The following MYH14 variants were observed in gnomAD, a reference collection of about 807,000 sequenced individuals.
MYH14 encodes the protein myosin-14.
Under a neutral mutation model 255.5 loss-of-function variants are expected in MYH14, and 123 were observed. The observed-to-expected ratio is 0.48, with a 90% CI of 0.42 to 0.56. MYH14 has a LOEUF of 0.56. Among genes scored for constraint, MYH14 ranks in the 20% least tolerant of loss-of-function variants. The probability of loss-of-function intolerance (pLI) is 0.00; values close to 1 mark genes in which losing one functional copy is unlikely to be tolerated. For missense variants in MYH14, 2,423 were observed against 2,802.3 expected, an observed-to-expected ratio of 0.86 and a Z score of 3.06; for synonymous variants, 1,095 against 1,161.2, an observed-to-expected ratio of 0.94 and a Z score of 1.16.
chr19:50,279,979 T>C lies in MYH14; in HGVS notation c.4033-58T>C. Reference sequence around the variant, plus strand: ...CAGTGTGGTAGAGAGTTGAGGCAGATGGGGTCACTGGGTGGAAGCCACGAT... The same window carrying C: ...CAGTGTGGTAGAGAGTTGAGGCAGACGGGGTCACTGGGTGGAAGCCACGAT... On this transcript the variant is annotated intron_variant, in intron 30 of 42. Transcript: ENST00000642316. The C allele has an allele frequency of 2.4e-6, 3 of 1,240,174 alleles. No individual in the cohort carries two copies. The South Asian group carries it at 3.8e-5, about 16-fold the overall frequency. The allele number at this position is 1,240,174 out of a possible 1,614,324, so 76.8% of individuals were successfully genotyped here. A position where few individuals can be genotyped will look rare whatever the true frequency, so the allele number is the denominator to read the frequency against.
rs984956751 is a variant in MYH14 at position 50,293,472 on chromosome 19, G to T, written c.5346-92G>T. 1.9e-6 allele frequency: 3 copies of T among 1,565,374 alleles called. No individual in the cohort carries two copies. Among genetic ancestry groups the T allele is most frequent in the East Asian group, 4.7e-5 (2 of 42,750 alleles). ...CTGGGGTGTGAGGCTGGGGAGATGC[G>T]TGGGGCTAACCACAGGGTCCTGTAG... On this transcript the variant is annotated intron_variant, in intron 38 of 42. Coordinates refer to ENST00000642316, the MANE Select transcript of MYH14 (RefSeq NM_001145809.2). The surrounding 1 kb of genome is among the most constrained non-coding windows in gnomAD (Gnocchi z 4.1).
intron 21 of MYH14, among the ~76,000 whole-genome samples, chr19:50,262,581 T>G (rs2034924466): frequency 6.8e-6 from 1 of 147,926 alleles, no homozygotes; most frequent in Non-Finnish European, 1.5e-5. Flanking sequence ...CAGGAAAGGA[T>G]GGCCCAAACA....
chr19:50,267,450 A>C (rs1417540460), intron 23 of MYH14, among the ~76,000 whole-genome samples: 1 of 152,034 alleles, frequency 6.6e-6, no homozygotes, highest in Non-Finnish European at 1.5e-5. Context: ...TCAGGAGTTC[A>C]AGACCACTCT....
chr19:50,255,637 C>T (rs2034566295), intron 17 of MYH14, among the ~76,000 whole-genome samples: 1 of 152,134 alleles, frequency 6.6e-6, no homozygotes, highest in Admixed American at 6.6e-5. Context: ...AATGAGGAAA[C>T]TAAAGCACAG....
chr19:50,302,057 C>G (rs911719714), intron 40 of MYH14, among the ~76,000 whole-genome samples, 188 bp downstream of exon 40: 7 of 149,054 alleles, frequency 4.7e-5, no homozygotes, highest in African/African-American at 1.7e-4. Flanking sequence ...GCGGGAGGAT[C>G]CCTTGAGGCC....
At chr19:50,303,258 T>C (rs1378222123) in intron 40 of MYH14, among the ~76,000 whole-genome samples, 1 of 152,192 alleles carries the variant, frequency 6.6e-6, no homozygotes, top group African/African-American at 2.4e-5. Flanking sequence ...TTTTCTTTTT[T>C]CTTTTCAAGA....
intron 2 of MYH14, among the ~76,000 whole-genome samples, chr19:50,214,546 A>C (rs892573931): frequency 5.3e-5 from 8 of 152,098 alleles, no homozygotes; most frequent in Admixed American, 3.3e-4. Context: ...GTGATTTCAC[A>C]CTCAGAACAC....
intron 10 of MYH14, among the ~76,000 whole-genome samples, chr19:50,240,162 G>A (rs982732325): frequency 3.9e-5 from 6 of 152,212 alleles, no homozygotes; most frequent in African/African-American, 1.4e-4. Flanking sequence ...TGTCCAGTGA[G>A]GGAAGGGGGC....
Position 50,276,285 on chromosome 19 carries a change from A to G in MYH14, c.3680+82A>G, listed in dbSNP as rs1790570236. 4.6e-6 allele frequency: 5 copies of G among 1,087,378 alleles called. No homozygotes were observed. The South Asian group carries it at 6.6e-5, about 14-fold the overall frequency. 67.4% of individuals were successfully genotyped at this position (1,087,378 alleles called of 1,614,324 possible). A position where few individuals can be genotyped will look rare whatever the true frequency, so the allele number is the denominator to read the frequency against. Reference sequence around the variant, plus strand: ...GGACTTAGGTACAAAGTCTCTGTCTATACAGAGGCTTACTTATTGTACAGT... The same window carrying G: ...GGACTTAGGTACAAAGTCTCTGTCTGTACAGAGGCTTACTTATTGTACAGT... On this transcript the variant is annotated intron_variant, in intron 28 of 42. Transcript: ENST00000642316. This position sits in a 1 kb window ranked among gnomAD's most constrained non-coding sequence, Gnocchi z 4.3.
intron 10 of MYH14, among the ~76,000 whole-genome samples, chr19:50,235,503 T>C (rs2033621004): frequency 6.6e-6 from 1 of 151,378 alleles, no homozygotes; most frequent in Non-Finnish European, 1.5e-5. Flanking sequence ...AATACTCAGC[T>C]TGTCATTGGC....
At position 50,280,849 on chromosome 19, in the gene MYH14, G is replaced by A. The variant is rs1568534633; in HGVS notation, c.4290+466G>A. 6.6e-6 allele frequency among the ~76,000 whole-genome samples: 1 copy of A among 152,130 alleles called. No homozygotes were observed. The highest frequency in any genetic ancestry group is 1.5e-5 in the Non-Finnish European group (1 of 68,024). On this transcript the variant is annotated intron_variant, in intron 32 of 42. Coordinates refer to ENST00000642316, the MANE Select transcript of MYH14 (RefSeq NM_001145809.2). The surrounding 1 kb of genome is among the most constrained non-coding windows in gnomAD (Gnocchi z 4.8). ...TCTGGTCCTTCCTCTGCCTTTAGCT[G>A]TATTCATCTCTATCTCTACTTTCCT...
chr19:50,307,093 G>A lies in MYH14; in HGVS notation c.5723G>A (p.Arg1908Gln), dbSNP rs542294850. 1.7e-5 allele frequency: 27 copies of A among 1,551,012 alleles called. No individual in the cohort carries two copies. Among genetic ancestry groups the A allele is most frequent in the Admixed American group, 1.2e-4 (6 of 51,002 alleles). Reference protein sequence around the residue: ...SGKLVRRAEKRLKEVVLQVEE... With the variant: ...SGKLVRRAEKQLKEVVLQVEE... ...AAGCTGGTGCGCAGAGCTGAGAAGC[G>A]GCTTAAAGAGGTGGTGCTCCAGGTG... Residue 1908 changes from arginine to glutamine, a missense_variant, in exon 41 of 43, where the codon CGG becomes CAG. Arg to Gln is a conservative substitution (Grantham distance 43). Transcript: ENST00000642316.
chr19:50,228,372 C>T (rs904671564), intron 8 of MYH14, among the ~76,000 whole-genome samples: 1 of 151,908 alleles, frequency 6.6e-6, no homozygotes, highest in African/African-American at 2.4e-5. Flanking sequence ...TAATCAATAA[C>T]ATTAACAACT....
chr19:50,243,628 A>G (rs2033979587), intron 10 of MYH14, among the ~76,000 whole-genome samples: 1 of 152,166 alleles, frequency 6.6e-6, no homozygotes, highest in Admixed American at 6.5e-5. Context: ...ACCCCATTCA[A>G]AATAATTTTT....
chr19:50,291,115 G>C, intron 36 of MYH14, 67 bp downstream of exon 36: 1 of 1,540,314 alleles, frequency 6.5e-7, no homozygotes, highest in Non-Finnish European at 8.9e-7. Context: ...CATCACTCCA[G>C]GGTCTAAGGC....
chr19:50,270,193 A>G lies in MYH14; in HGVS notation c.3034-1216A>G, dbSNP rs551278570. Among the ~76,000 whole-genome samples the G allele has an allele frequency of 2.6e-5, 4 of 152,294 alleles. No individual in the cohort carries two copies. The South Asian group carries it at 8.3e-4, about 32-fold the overall frequency. ...AGCTGTGATGGCACCACTGCACTCC[A>G]GCCTGGATGACAGAGTGAGACCTTT... On this transcript the variant is annotated intron_variant, in intron 24 of 42. Transcript: ENST00000642316.
Position 50,247,040 on chromosome 19 carries a change from T to C in MYH14, c.1247T>C (p.Val416Ala). The change falls in exon 12 of 43, where the codon GTG becomes GCG. Residue 416 changes from valine (V) to alanine (A), a missense_variant. By Grantham distance (64) the Val-to-Ala change is moderately conservative. Coordinates refer to ENST00000642316, the MANE Select transcript of MYH14 (RefSeq NM_001145809.2). ...CTCTGCCGCCTCTTGGGACTGGGGG[T>C]GACGGATTTCTCCCGAGCCTTGCTC... ...QKLCRLLGLG[V>A]TDFSRALLTP... 1 of 1,612,810 alleles carries C rather than the reference T, an allele frequency of 6.2e-7. No homozygotes were observed. Among genetic ancestry groups the C allele is most frequent in the Non-Finnish European group, 8.5e-7 (1 of 1,179,548 alleles).
At position 50,225,605 on chromosome 19, in the gene MYH14, G is replaced by A; in HGVS notation, c.738G>A (p.Leu246=). The change falls in exon 7 of 43, where the codon CTG becomes CTA. Residue 246 remains leucine (L), a synonymous_variant. Coordinates refer to ENST00000642316, the MANE Select transcript of MYH14 (RefSeq NM_001145809.2). ...TVSYGELERQ[L]LQANPILEAF... ...GGCAGGGTGAGCTGGAGCGGCAGCT[G>A]CTTCAGGCCAACCCCATCCTAGAGG... 6.2e-7 allele frequency: 1 copy of A among 1,613,210 alleles called. No individual in the cohort carries two copies. The highest frequency in any genetic ancestry group is 1.7e-4 in the Middle Eastern group (1 of 6,044).
intron 37 of MYH14, 37 bp downstream of exon 37, chr19:50,292,426 C>T: frequency 6.6e-7 from 1 of 1,513,826 alleles, no homozygotes; most frequent in Non-Finnish European, 8.8e-7. Flanking sequence ...GGACAGGAAG[C>T]TGGGAGGTGG....
Sources: allele counts gnomAD v4.1 joint callset (sites outside exome capture counted in the v4.1 genomes callset), GRCh38; gene constraint gnomAD v4.1.1; non-coding constraint Gnocchi (gnomAD v3.1); transcripts MANE v1.5; gene names NCBI Gene and HGNC (gene_info 2026-07-23, HGNC 2026-07-21).